The following EDEM2 variants were observed in gnomAD, a reference collection of about 807,000 sequenced individuals.
EDEM2 encodes ER degradation enhancing alpha-mannosidase like protein 2.
Under a neutral mutation model 64.8 loss-of-function variants are expected in EDEM2, and 39 were observed. That is an observed-to-expected ratio of 0.60 (90% CI 0.47 to 0.79). The LOEUF is 0.79. EDEM2 is among the 30% of genes least tolerant of loss of function. EDEM2 has a pLI of 0.00. For missense variants in EDEM2, 609 were observed against 731.3 expected (o/e 0.83, Z 1.93); for synonymous variants, 296 against 291.5 (o/e 1.02, Z -0.16).
chr20:35,126,616 T>C (rs1183868854), intron 7 of EDEM2, among the ~76,000 whole-genome samples: 1 of 151,970 alleles, frequency 6.6e-6, no homozygotes, highest in African/African-American at 2.4e-5. Context: ...AGCCTTATGA[T>C]CTATAAAATG....
At chr20:35,145,486 T>C (rs1046218240) in intron 2 of EDEM2, among the ~76,000 whole-genome samples, 2 of 152,218 alleles carry the variant, frequency 1.3e-5, no homozygotes, top group East Asian at 1.9e-4. Context: ...ATCAAAAAGA[T>C]TGTTATCAAG....
chr20:35,125,787 C>T (rs2085425426), intron 8 of EDEM2, among the ~76,000 whole-genome samples: 1 of 152,164 alleles, frequency 6.6e-6, no homozygotes, highest in Non-Finnish European at 1.5e-5. Context: ...CATTTTGGTA[C>T]ATGCACTATT....
At chr20:35,143,970 G>A (rs982416885) in intron 3 of EDEM2, among the ~76,000 whole-genome samples, 7 of 152,188 alleles carry the variant, frequency 4.6e-5, no homozygotes, top group African/African-American at 1.4e-4. Context: ...GTGCAGTGGT[G>A]CGATCTCGGC....
intron 9 of EDEM2, among the ~76,000 whole-genome samples, chr20:35,122,795 C>T (rs1481057347): frequency 6.6e-6 from 1 of 152,192 alleles, no homozygotes; most frequent in Non-Finnish European, 1.5e-5. Context: ...GTCCCCTCTA[C>T]ACCTCCTACG....
chr20:35,143,504 A>C (rs553674720), intron 3 of EDEM2, among the ~76,000 whole-genome samples: 19 of 152,354 alleles, frequency 1.2e-4, no homozygotes, highest in African/African-American at 4.3e-4. Context: ...TAGCTGACCC[A>C]ATGCTAGAAA....
chr20:35,125,899 AC>A (rs1460146067), intron 8 of EDEM2, among the ~76,000 whole-genome samples: 1 of 152,206 alleles, frequency 6.6e-6, no homozygotes, highest in Non-Finnish European at 1.5e-5. Context: ...GCACAGCGGC[AC>A]AAGCTGCTTC....
In EDEM2 at chr20:35,142,423, A is replaced by G. The variant is rs756517367; in HGVS notation, c.314T>C (p.Val105Ala). The change falls in exon 4 of 11, where the codon GTG becomes GCG. Residue 105 changes from valine (V) to alanine (A), a missense_variant. By Grantham distance (64) the Val-to-Ala change is moderately conservative. Coordinates refer to ENST00000374492, the MANE Select transcript of EDEM2 (RefSeq NM_018217.3). ...QRVVEVLQDS[V>A]DFDIDVNASV... Reference sequence around the variant, plus strand: ...GGCGTTCACATCAATATCAAAGTCCACGCTGTCCTGGAGCACTTCAACCAC... The same window carrying G: ...GGCGTTCACATCAATATCAAAGTCCGCGCTGTCCTGGAGCACTTCAACCAC... 6 of 1,613,996 alleles carry G rather than the reference A, an allele frequency of 3.7e-6. No individual in the cohort carries two copies. In the African/African-American group the frequency reaches 8.0e-5, roughly 22 times the overall value.
At chr20:35,140,601 A>G (rs1311100342) in intron 4 of EDEM2, among the ~76,000 whole-genome samples, 1 of 152,242 alleles carries the variant, frequency 6.6e-6, no homozygotes, top group Non-Finnish European at 1.5e-5. Flanking sequence ...ACTGTAGCAT[A>G]TAGGTCAGGA....
rs534032852 is a variant in EDEM2 at position 35,145,928 on chromosome 20, G to A, written c.218+897C>T. On this transcript the variant is annotated intron_variant, in intron 2 of 10. Transcript: ENST00000374492. ...GAGGCAGGAGAATCGCTTGAAGCCAGGAGGCGGAGTTTGAAGTGAGCCAAG... is the reference window on the plus strand; with the variant it reads ...GAGGCAGGAGAATCGCTTGAAGCCAAGAGGCGGAGTTTGAAGTGAGCCAAG... 1.6e-4 allele frequency among the ~76,000 whole-genome samples: 24 copies of A among 150,206 alleles called. No individual in the cohort carries two copies. In the East Asian group the frequency reaches 4.5e-3, roughly 28 times the overall value.
At chr20:35,133,399 G>A (rs1383168777) in intron 6 of EDEM2, among the ~76,000 whole-genome samples, 1 of 152,048 alleles carries the variant, frequency 6.6e-6, no homozygotes, top group African/African-American at 2.4e-5. Context: ...AGTCTACTAC[G>A]GTCCCACTGC....
intron 3 of EDEM2, among the ~76,000 whole-genome samples, chr20:35,143,245 C>G (rs1002297415): frequency 3.3e-5 from 5 of 152,132 alleles, no homozygotes; most frequent in Non-Finnish European, 7.3e-5. Context: ...GTTACCCAGT[C>G]AATTCTGACC....
chr20:35,142,273 T>C, intron 4 of EDEM2, 100 bp downstream of exon 4: 1 of 961,378 alleles, frequency 1.0e-6, no homozygotes, highest in Non-Finnish European at 1.6e-6. Flanking sequence ...CCAAGGGTCC[T>C]GGCATGGTCA....
chr20:35,135,566 G>A (rs187388348), intron 5 of EDEM2, among the ~76,000 whole-genome samples: 5 of 152,274 alleles, frequency 3.3e-5, no homozygotes, highest in African/African-American at 7.2e-5. Context: ...CACGAGAATC[G>A]TTTGAACCCA....
At chr20:35,123,551 C>T (rs1166338661) in intron 9 of EDEM2, among the ~76,000 whole-genome samples, 2 of 152,120 alleles carry the variant, frequency 1.3e-5, no homozygotes, top group African/African-American at 4.8e-5. Context: ...GAGATCACAC[C>T]ATTGCACTTC....
rs1452115730 is a variant in EDEM2 at position 35,131,682 on chromosome 20, G to A, written c.804C>T (p.Ala268=). 6.2e-7 allele frequency: 1 copy of A among 1,614,216 alleles called. No individual in the cohort carries two copies. Among genetic ancestry groups the A allele is most frequent in the Non-Finnish European group, 8.5e-7 (1 of 1,180,034 alleles). Residue 268 remains alanine, a synonymous_variant, in exon 7 of 11, where the codon GCC becomes GCT. Coordinates refer to ENST00000374492, the MANE Select transcript of EDEM2 (RefSeq NM_018217.3). ...TGAGCTTCTTATCCTGAAGCAGGATGGCTCCTTTCACCAAGTACTCAAAGT... is the reference window on the plus strand; with the variant it reads ...TGAGCTTCTTATCCTGAAGCAGGATAGCTCCTTTCACCAAGTACTCAAAGT... The part of the protein sequence containing the change: ...DSYFEYLVKG[A]ILLQDKKLMA...
chr20:35,124,275 T>A (rs1485233755), intron 8 of EDEM2, among the ~76,000 whole-genome samples: 1 of 152,140 alleles, frequency 6.6e-6, no homozygotes, highest in African/African-American at 2.4e-5. Flanking sequence ...GTATATTAAG[T>A]CCCTAAATCT....
chr20:35,137,216 G>C (rs1215463658), intron 5 of EDEM2, among the ~76,000 whole-genome samples: 1 of 152,118 alleles, frequency 6.6e-6, no homozygotes, highest in East Asian at 1.9e-4. Flanking sequence ...TCAAGAGTTT[G>C]AGACCAGCCT....
chr20:35,136,546 C>T (rs192109833), intron 5 of EDEM2, among the ~76,000 whole-genome samples: 84 of 152,074 alleles, frequency 5.5e-4, no homozygotes, highest in Non-Finnish European at 8.2e-4. Context: ...CACTTGATCC[C>T]GGGAGTTCAA....
At chr20:35,126,766 G>C (rs1251172929) in intron 7 of EDEM2, among the ~76,000 whole-genome samples, 1 of 152,096 alleles carries the variant, frequency 6.6e-6, no homozygotes, top group Non-Finnish European at 1.5e-5. Flanking sequence ...TACAAAATTA[G>C]CCAGGTGTGG....
Sources: gnomAD v4.1 joint callset for allele counts (sites outside exome capture counted in the v4.1 genomes callset) on GRCh38, gnomAD v4.1.1 for gene constraint, MANE v1.5 for transcripts, NCBI Gene and HGNC (gene_info 2026-07-23, HGNC 2026-07-21) for gene names.